VCP: variants seen among roughly 807,000 people sequenced by gnomAD.
VCP encodes valosin containing protein.
A neutral mutation model predicts 85.7 loss-of-function variants in VCP; 6 were observed. The observed-to-expected ratio is 0.07, with a 90% CI of 0.04 to 0.14. The LOEUF (loss-of-function observed/expected upper bound fraction) is 0.14, where lower values mean the gene tolerates loss of function less well. VCP is among the 10% of genes least tolerant of loss of function. The probability of loss-of-function intolerance (pLI) is 1.00; values close to 1 mark genes in which losing one functional copy is unlikely to be tolerated. For missense variants in VCP, 353 were observed against 1,043.4 expected, an observed-to-expected ratio of 0.34 and a Z score of 9.12; for synonymous variants, 384 against 367.1, an observed-to-expected ratio of 1.05 and a Z score of -0.53.
chr9:35,072,451 G>C lies in VCP; in HGVS notation c.-98C>G. On this transcript the variant is annotated 5_prime_UTR_variant, in exon 1 of 17. Coordinates refer to ENST00000358901, the MANE Select transcript of VCP (RefSeq NM_007126.5). Reference sequence around the variant, plus strand: ...CTGGGCCGGGGCTCGGCTCTTCCAGGCGGTGGGCGAGCAGCGGCGACAAAC... The same window carrying C: ...CTGGGCCGGGGCTCGGCTCTTCCAGCCGGTGGGCGAGCAGCGGCGACAAAC... 7.3e-7 allele frequency: 1 copy of C among 1,360,662 alleles called. No homozygotes were observed. Among genetic ancestry groups the C allele is most frequent in the Non-Finnish European group, 9.5e-7 (1 of 1,054,228 alleles). The allele number at this position is 1,360,662 out of a possible 1,614,324, so 84.3% of individuals were successfully genotyped here. A position where few individuals can be genotyped will look rare whatever the true frequency, so the allele number is the denominator to read the frequency against.
chr9:35,066,558 T>C (rs1828836109), intron 4 of VCP, 117 bp downstream of exon 4: 3 of 1,379,932 alleles, frequency 2.2e-6, no homozygotes, highest in Non-Finnish European at 2.9e-6. Context: ...AATAAATAAA[T>C]ACAGGGGAAA....
chr9:35,068,944 T>C (rs1268037009), intron 1 of VCP, among the ~76,000 whole-genome samples: 10 of 152,166 alleles, frequency 6.6e-5, no homozygotes. Flanking sequence ...TGATTAACAG[T>C]ATAGAGTAAA....
intron 7 of VCP, 71 bp from the exon 8 acceptor site, chr9:35,062,421 C>G: frequency 6.2e-7 from 1 of 1,610,428 alleles, no homozygotes; most frequent in Admixed American, 1.7e-5. Flanking sequence ...AATCAGTTAT[C>G]TTGCTTGTTT....
chr9:35,057,741 T>A, intron 15 of VCP: 1 of 649,554 alleles, frequency 1.5e-6, no homozygotes, highest in Non-Finnish European at 2.7e-6. Context: ...GGGACAGAAA[T>A]CACATCAGTG....
intron 4 of VCP, among the ~76,000 whole-genome samples, chr9:35,066,346 C>T (rs1378761219): frequency 6.6e-6 from 1 of 150,608 alleles, no homozygotes; most frequent in African/African-American, 2.4e-5. Context: ...ACTGCAACCT[C>T]CACCTCTTGG....
At chr9:35,069,371 CAG>C in intron 1 of VCP, among the ~76,000 whole-genome samples, 1 of 151,886 alleles carries the variant, frequency 6.6e-6, no homozygotes, top group Non-Finnish European at 1.5e-5. Flanking sequence ...GATCATTCAC[CAG>C]ACAGTGACAC....
Position 35,056,794 on chromosome 9 carries a change from GC to G in VCP, c.*322del. The G allele has an allele frequency of 2.7e-6, 1 of 374,692 alleles. No homozygotes were observed. Among genetic ancestry groups the G allele is most frequent in the Non-Finnish European group, 5.1e-6 (1 of 194,188 alleles). 23.2% of individuals were successfully genotyped at this position (374,692 alleles called of 1,614,324 possible). A position where few individuals can be genotyped will look rare whatever the true frequency, so the allele number is the denominator to read the frequency against. ...TGCAGATGCTTTACTGTGGCAGGTG[GC>G]AGTAGTGCCTTGGTTCACACCCCAC... is the stretch of plus-strand genomic sequence containing the variant. On this transcript the variant is annotated 3_prime_UTR_variant, in exon 17 of 17. Transcript: ENST00000358901.
Position 35,062,067 on chromosome 9 carries a change from T to G in VCP, c.1017A>C (p.Ala339=), listed in dbSNP as rs565534943. 1 of 1,614,180 alleles carries G rather than the reference T, an allele frequency of 6.2e-7. No individual in the cohort carries two copies. Among genetic ancestry groups the G allele is most frequent in the East Asian group, 2.2e-5 (1 of 44,886 alleles). ...TGGTTGCTGCCATAACAATCACATG[T>G]GCCCTCTGCTTTAGGCCATCCATGA... is the stretch of plus-strand genomic sequence containing the variant. The part of the protein sequence containing the change: ...LTLMDGLKQR[A]HVIVMAATNR... The change falls in exon 9 of 17, where the codon GCA becomes GCC. Residue 339 remains alanine, a synonymous_variant. Transcript: ENST00000358901.
At position 35,072,282 on chromosome 9, in the gene VCP, G is replaced by T. The variant is rs1458805250; in HGVS notation, c.17+55C>A. ...CCAGGCCCCGCCGGGCCTACCCTGC[G>T]CGGCTGGTCCCGGTGCGCGCCGCCG... is the stretch of plus-strand genomic sequence containing the variant. On this transcript the variant is annotated intron_variant, in intron 1 of 16. Transcript: ENST00000358901. 2.7e-6 allele frequency: 4 copies of T among 1,485,776 alleles called. 1 individual carries two copies. The East Asian group carries it at 8.6e-5, about 32-fold the overall frequency. 92.0% of individuals were successfully genotyped at this position (1,485,776 alleles called of 1,614,324 possible). A position where few individuals can be genotyped will look rare whatever the true frequency, so the allele number is the denominator to read the frequency against.
At chr9:35,063,727 A>G (rs622945) in intron 6 of VCP, among the ~76,000 whole-genome samples, 83,263 of 152,136 alleles carry the variant, frequency 0.55, 26,089 homozygotes, top group Non-Finnish European at 0.71. Flanking sequence ...CTCTAGACCA[A>G]TAGTTCTCAA....
At chr9:35,072,188 C>T (rs1012186117) in intron 1 of VCP, 149 bp downstream of exon 1, 14 of 1,421,006 alleles carry the variant, frequency 9.9e-6, no homozygotes, top group Non-Finnish European at 1.3e-5. Context: ...GCCGGGTCCA[C>T]GGCCCCTCAC....
chr9:35,058,791 CA>C lies in VCP; in HGVS notation c.2160+272del, dbSNP rs55688108. 0.18 allele frequency among the ~76,000 whole-genome samples: 27,531 copies of C among 151,786 alleles called. 2,805 individuals are homozygous for C. Among genetic ancestry groups the C allele is most frequent in the Middle Eastern group, 0.26 (76 of 292 alleles). The stretch of plus-strand genomic sequence containing the variant: ...CAAAAAAAAAACAAAAAACAAAAAA[CA>C]AAAAAAACCTTGCTGTGTTTGCTGC... On this transcript the variant is annotated intron_variant, in intron 15 of 16. Coordinates refer to ENST00000358901, the MANE Select transcript of VCP (RefSeq NM_007126.5).
intron 15 of VCP, chr9:35,057,808 A>G (rs1828640898): frequency 5.9e-6 from 3 of 505,796 alleles, no homozygotes; most frequent in Non-Finnish European, 7.2e-6. Context: ...TTTTTGAGAT[A>G]GTAGAAATTT....
chr9:35,060,257 C>T, intron 13 of VCP, 56 bp downstream of exon 13: 2 of 1,572,112 alleles, frequency 1.3e-6, no homozygotes, highest in Non-Finnish European at 8.7e-7. Flanking sequence ...AGAAAAACAG[C>T]CTCTATTCCT....
At chr9:35,071,805 G>T in intron 1 of VCP, 3 of 989,998 alleles carry the variant, frequency 3.0e-6, no homozygotes, top group Non-Finnish European at 3.6e-6. Flanking sequence ...GAGCTTCCCT[G>T]AGCTCGGCGG....
chr9:35,059,435 C>T lies in VCP; in HGVS notation c.2004+58G>A. ...AATCTTGTCCAGAAACTAAAGAGCA[C>T]TCCGTACCAGCCTGAGGACTCATGC... On this transcript the variant is annotated intron_variant, in intron 14 of 16. Coordinates refer to ENST00000358901, the MANE Select transcript of VCP (RefSeq NM_007126.5). The surrounding 1 kb of genome is among the most constrained non-coding windows in gnomAD (Gnocchi z 4.9). The T allele has an allele frequency of 6.2e-7, 1 of 1,603,024 alleles. No homozygotes were observed. Among genetic ancestry groups the T allele is most frequent in the Non-Finnish European group, 8.5e-7 (1 of 1,174,492 alleles).
chr9:35,059,290 C>T lies in VCP; in HGVS notation c.2005-71G>A, dbSNP rs547515001. ...GAGATACGCAGATCTTTGGGCTACC[C>T]GAGCACTCCCAACTACAGTTTGCCC... On this transcript the variant is annotated intron_variant, in intron 14 of 16. Coordinates refer to ENST00000358901, the MANE Select transcript of VCP (RefSeq NM_007126.5). The surrounding 1 kb of genome is among the most constrained non-coding windows in gnomAD (Gnocchi z 4.9). The T allele has an allele frequency of 3.7e-4, 588 of 1,600,178 alleles. 1 individual carries two copies. Among genetic ancestry groups the T allele is most frequent in the Non-Finnish European group, 9.5e-5 (111 of 1,173,058 alleles).
At position 35,065,302 on chromosome 9, in the gene VCP, A is replaced by G. The variant is rs1280182038; in HGVS notation, c.525T>C (p.Ile175=). The change falls in exon 5 of 17, where the codon ATT becomes ATC. Residue 175 remains isoleucine (I), a synonymous_variant. Coordinates refer to ENST00000358901, the MANE Select transcript of VCP (RefSeq NM_007126.5). ...VVETDPSPYC[I]VAPDTVIHCE... ...AGTGGATCACTGTGTCTGGAGCAAC[A>G]ATGCAATAAGGGCTAGGATCTGTTT... 4.3e-6 allele frequency: 7 copies of G among 1,614,208 alleles called. No homozygotes were observed. The highest frequency in any genetic ancestry group is 5.9e-6 in the Non-Finnish European group (7 of 1,180,038).
chr9:35,066,583 A>T (rs957709914), intron 4 of VCP, 92 bp downstream of exon 4: 188 of 872,930 alleles, frequency 2.2e-4, no homozygotes, highest in Admixed American at 6.6e-4. Context: ...TAAAAGATTT[A>T]AAAAAAAAAA....
Sources: allele counts gnomAD v4.1 joint callset (sites outside exome capture counted in the v4.1 genomes callset), GRCh38; gene constraint gnomAD v4.1.1; non-coding constraint Gnocchi (gnomAD v3.1); transcripts MANE v1.5; gene names NCBI Gene and HGNC (gene_info 2026-07-23, HGNC 2026-07-21).